PDE3A: variants seen among roughly 807,000 people sequenced by gnomAD.
PDE3A encodes phosphodiesterase 3A.
A neutral mutation model predicts 98.3 loss-of-function variants in PDE3A; 43 were observed. The ratio of observed to expected loss-of-function variants is 0.44; its 90% CI spans 0.34 to 0.56. The LOEUF (loss-of-function observed/expected upper bound fraction) is 0.56. Among genes scored for constraint, PDE3A ranks in the 20% least tolerant of loss-of-function variants. The pLI is 0.01. For synonymous variants in PDE3A, 663 were observed against 567.9 expected (o/e 1.17, Z -2.38); for missense variants, 1,427 against 1,440.7 (o/e 0.99, Z 0.15).
intron 1 of PDE3A, among the ~76,000 whole-genome samples, chr12:20,434,397 A>G (rs1385427068): frequency 6.6e-6 from 1 of 152,086 alleles, no homozygotes; most frequent in Admixed American, 6.6e-5. Flanking sequence ...AAAAACCTCT[A>G]TTGCTATCTA....
intron 1 of PDE3A, among the ~76,000 whole-genome samples, chr12:20,500,181 G>A (rs1416111326): frequency 6.6e-6 from 1 of 152,076 alleles, no homozygotes; most frequent in Non-Finnish European, 1.5e-5. Flanking sequence ...AATCAAAATT[G>A]GATCCAAGTC....
At chr12:20,424,032 G>C (rs1944565148) in intron 1 of PDE3A, among the ~76,000 whole-genome samples, 2 of 152,066 alleles carry the variant, frequency 1.3e-5, no homozygotes, top group Non-Finnish European at 2.9e-5. Context: ...AGTGGAATTT[G>C]GTGAGGCATA....
intron 15 of PDE3A, among the ~76,000 whole-genome samples, chr12:20,660,640 G>C (rs1945145467): frequency 6.6e-6 from 1 of 152,178 alleles, no homozygotes; most frequent in East Asian, 1.9e-4. Context: ...AGTCTCACAA[G>C]ATCTAATGGT....
In PDE3A at chr12:20,681,869, T is replaced by C. The variant is rs903791624; in HGVS notation, c.*1598T>C. 1 of 152,182 alleles carries C rather than the reference T, an allele frequency of 6.6e-6. No homozygotes were observed. The highest frequency in any genetic ancestry group is 1.5e-5 in the Non-Finnish European group (1 of 68,026). The allele number at this position is 152,182 out of a possible 1,614,324, so 9.4% of individuals were successfully genotyped here. A position where few individuals can be genotyped will look rare whatever the true frequency, so the allele number is the denominator to read the frequency against. ...CATGATAGTTATCTTGATGTAAATA[T>C]GAAGATTTTTTTGTTTCTGTAGATA... On this transcript the variant is annotated 3_prime_UTR_variant, in exon 16 of 16. Coordinates refer to ENST00000359062, the MANE Select transcript of PDE3A (RefSeq NM_000921.5).
rs1945811192 is a variant in PDE3A at position 20,682,371 on chromosome 12, T to C, written c.*2100T>C. On this transcript the variant is annotated 3_prime_UTR_variant, in exon 16 of 16. Transcript: ENST00000359062. ...GGAATGTTTACATTAAAAATACTTT[T>C]GTTTCTCATAAATGGATATTGTACT... 1 of 152,208 alleles carries C rather than the reference T, an allele frequency of 6.6e-6. No individual in the cohort carries two copies. Among genetic ancestry groups the C allele is most frequent in the Non-Finnish European group, 1.5e-5 (1 of 68,042 alleles). The allele number at this position is 152,208 out of a possible 1,614,324, so 9.4% of individuals were successfully genotyped here.
intron 1 of PDE3A, among the ~76,000 whole-genome samples, chr12:20,415,800 G>C (rs1252584079): frequency 6.6e-6 from 1 of 152,130 alleles, no homozygotes; most frequent in Admixed American, 6.6e-5. Flanking sequence ...AGGTTCTTTG[G>C]AGTCAGTGTG....
At position 20,369,800 on chromosome 12, in the gene PDE3A, G is replaced by T; in HGVS notation, c.516G>T (p.Ala172=). 2 of 1,612,430 alleles carry T rather than the reference G, an allele frequency of 1.2e-6. No homozygotes were observed. The highest frequency in any genetic ancestry group is 1.7e-6 in the Non-Finnish European group (2 of 1,179,684). The change falls in exon 1 of 16, where the codon GCG becomes GCT. Residue 172 remains alanine (A), a synonymous_variant. Transcript: ENST00000359062. ...ALLAACCGGE[A]LVQIGLGVGE... ...TGGCCGCCTGCTGCGGGGGGGAAGC[G>T]CTCGTCCAGATTGGGCTGGGCGTCG...
rs1252139760 is a variant in PDE3A at position 20,684,963 on chromosome 12, G to A, written c.*4692G>A. Reference sequence around the variant, plus strand: ...TTTCCAGTCTATGTTATGCACCATGGATGTTAGGCAATGTGTGCTATTGCC... The same window carrying A: ...TTTCCAGTCTATGTTATGCACCATGAATGTTAGGCAATGTGTGCTATTGCC... On this transcript the variant is annotated 3_prime_UTR_variant, in exon 16 of 16. Transcript: ENST00000359062. 6.6e-6 allele frequency among the ~76,000 whole-genome samples: 1 copy of A among 152,148 alleles called. No individual in the cohort carries two copies. The highest frequency in any genetic ancestry group is 1.5e-5 in the Non-Finnish European group (1 of 68,026).
At chr12:20,577,478 C>G (rs2067526) in intron 2 of PDE3A, among the ~76,000 whole-genome samples, 32,727 of 152,026 alleles carry the variant, frequency 0.22, 3,635 homozygotes, top group Middle Eastern at 0.29. Flanking sequence ...TCAATAATAT[C>G]AACACACATT....
intron 2 of PDE3A, among the ~76,000 whole-genome samples, chr12:20,607,356 G>A (rs1943735209): frequency 6.6e-6 from 1 of 151,028 alleles, no homozygotes; most frequent in African/African-American, 2.4e-5. Flanking sequence ...AGGATTACTT[G>A]AGCCCAGGAG....
chr12:20,458,376 G>A (rs1442329869), intron 1 of PDE3A, among the ~76,000 whole-genome samples: 1 of 149,420 alleles, frequency 6.7e-6, no homozygotes, highest in Non-Finnish European at 1.5e-5. Context: ...TAAATATTAA[G>A]CTTTCCAAAA....
chr12:20,393,726 ATAATAT>A (rs1399403762), intron 1 of PDE3A, among the ~76,000 whole-genome samples: 2 of 152,106 alleles, frequency 1.3e-5, no homozygotes, highest in East Asian at 3.9e-4. Context: ...ACTTTTGGAA[ATAATAT>A]TAACATAAGG....
chr12:20,396,065 C>T (rs1012000791), intron 1 of PDE3A, among the ~76,000 whole-genome samples: 1 of 151,966 alleles, frequency 6.6e-6, no homozygotes, highest in Non-Finnish European at 1.5e-5. Context: ...TTGGCCTATT[C>T]TTCCATATTG....
At chr12:20,652,334 G>T (rs1199881328) in intron 14 of PDE3A, among the ~76,000 whole-genome samples, 3 of 152,166 alleles carry the variant, frequency 2.0e-5, no homozygotes, top group African/African-American at 7.2e-5. Context: ...GATCCCTGAG[G>T]AATAGCCACA....
chr12:20,676,585 C>T (rs575880547), intron 15 of PDE3A, among the ~76,000 whole-genome samples: 6 of 150,584 alleles, frequency 4.0e-5, no homozygotes, highest in Non-Finnish European at 7.4e-5. Flanking sequence ...CTGCAAGCTC[C>T]GCCTCCTGGG....
intron 2 of PDE3A, among the ~76,000 whole-genome samples, chr12:20,582,022 G>A (rs1943080443): frequency 6.6e-6 from 1 of 151,758 alleles, no homozygotes. Context: ...TATGTATTGT[G>A]TTATTTAGGT....
chr12:20,517,800 T>C (rs1188583768), intron 1 of PDE3A, among the ~76,000 whole-genome samples: 1 of 152,146 alleles, frequency 6.6e-6, no homozygotes, highest in African/African-American at 2.4e-5. Context: ...ACAATGGTTG[T>C]CAAATTAGAA....
chr12:20,422,069 G>A (rs1011489386), intron 1 of PDE3A, among the ~76,000 whole-genome samples: 3 of 152,270 alleles, frequency 2.0e-5, no homozygotes, highest in African/African-American at 2.4e-5. Flanking sequence ...GCGGCAGGCC[G>A]GGCGCAATGG....
chr12:20,417,209 C>T (rs974563266), intron 1 of PDE3A, among the ~76,000 whole-genome samples: 10 of 152,076 alleles, frequency 6.6e-5, no homozygotes, highest in African/African-American at 2.4e-4. Flanking sequence ...ATGTGGCATG[C>T]CTTAATTTTT....
Sources: allele counts gnomAD v4.1 joint callset (sites outside exome capture counted in the v4.1 genomes callset), GRCh38; gene constraint gnomAD v4.1.1; transcripts MANE v1.5; gene names NCBI Gene and HGNC (gene_info 2026-07-23, HGNC 2026-07-21).